The following POU6F2 variants were observed in gnomAD, a reference collection of about 807,000 sequenced individuals.
The protein encoded by POU6F2 is POU domain, class 6, transcription factor 2.
Under a neutral mutation model 71.3 loss-of-function variants are expected in POU6F2, and 31 were observed. The ratio of observed to expected loss-of-function variants is 0.43; its 90% CI spans 0.33 to 0.59. The LOEUF (loss-of-function observed/expected upper bound fraction) is 0.59. Ranked by LOEUF, POU6F2 falls within the 20% of genes least tolerant of loss-of-function variation. The probability of loss-of-function intolerance (pLI) is 0.04; values close to 1 mark genes in which losing one functional copy is unlikely to be tolerated. For synonymous variants in POU6F2, 347 were observed against 355.7 expected (o/e 0.98, Z 0.27); for missense variants, 783 against 856.8 (o/e 0.91, Z 1.07).
At chr7:39,352,148 T>C (rs1420647006) in intron 5 of POU6F2, among the ~76,000 whole-genome samples, 1 of 152,216 alleles carries the variant, frequency 6.6e-6, no homozygotes, top group African/African-American at 2.4e-5. Flanking sequence ...GTAAATATAC[T>C]AGTTTTGTTG....
At chr7:39,353,560 T>C (rs1301694628) in intron 5 of POU6F2, among the ~76,000 whole-genome samples, 2 of 152,246 alleles carry the variant, frequency 1.3e-5, no homozygotes, top group East Asian at 1.9e-4. Flanking sequence ...CATCCACTTA[T>C]GGGGTGATCC....
intron 2 of POU6F2, among the ~76,000 whole-genome samples, chr7:39,106,471 A>G (rs539608230): frequency 1.3e-5 from 2 of 152,260 alleles, no homozygotes; most frequent in East Asian, 1.9e-4. Context: ...TGCTTTTTTC[A>G]TGTTTAGTTT....
intron 2 of POU6F2, among the ~76,000 whole-genome samples, chr7:39,199,016 G>A (rs905258391): frequency 4.6e-5 from 7 of 152,228 alleles, no homozygotes; most frequent in African/African-American, 1.7e-4. Context: ...AGAAAGGTAT[G>A]AATACCAGAG....
In POU6F2 at chr7:39,366,707, A is replaced by G. The variant is rs146509776; in HGVS notation, c.972+26692A>G. Among the ~76,000 whole-genome samples the G allele has an allele frequency of 3.1e-3, 466 of 152,290 alleles. 3 individuals carry two copies. The highest frequency in any genetic ancestry group is 0.01 in the Admixed American group (155 of 15,294). On this transcript the variant is annotated intron_variant, in intron 5 of 9. Coordinates refer to ENST00000518318, the MANE Select transcript of POU6F2 (RefSeq NM_001370959.1). ...CTGCTGGGGCAAAAAGGTGTGGGGC[A>G]TAGTCTGAGAAGATATTGAGGAGTT...
intron 6 of POU6F2, among the ~76,000 whole-genome samples, chr7:39,412,667 G>A (rs1474506434): frequency 1.4e-5 from 2 of 148,046 alleles, no homozygotes; most frequent in African/African-American, 2.5e-5. Context: ...TTTAAACAAT[G>A]AAACATGTTA....
At chr7:39,023,742 G>A (rs946027413) in intron 1 of POU6F2, among the ~76,000 whole-genome samples, 6 of 151,878 alleles carry the variant, frequency 4.0e-5, no homozygotes, top group Admixed American at 6.6e-5. Context: ...ACTGCTTATT[G>A]AACACGTAAC....
intron 4 of POU6F2, among the ~76,000 whole-genome samples, chr7:39,263,456 T>G (rs73695231): frequency 0.062 from 9,466 of 152,326 alleles, 374 homozygotes; most frequent in South Asian, 0.17. Flanking sequence ...TGGTCTAAAC[T>G]TCACTAGACC....
At chr7:39,300,045 T>A (rs183280211) in intron 4 of POU6F2, among the ~76,000 whole-genome samples, 2 of 152,068 alleles carry the variant, frequency 1.3e-5, no homozygotes, top group East Asian at 3.9e-4. Context: ...TCTCTTCCCC[T>A]CCCAAAGGCA....
chr7:39,266,136 G>C (rs1297199656), intron 4 of POU6F2, among the ~76,000 whole-genome samples: 1 of 152,142 alleles, frequency 6.6e-6, no homozygotes, highest in East Asian at 1.9e-4. Flanking sequence ...TCATGGATTG[G>C]AATCCAGCTG....
chr7:39,280,429 A>G (rs912481997), intron 4 of POU6F2, among the ~76,000 whole-genome samples: 3 of 152,204 alleles, frequency 2.0e-5, no homozygotes, highest in Admixed American at 6.5e-5. Context: ...GAATGCTAGA[A>G]TCTTAAACTA....
At chr7:39,051,126 C>A (rs1437023099) in intron 1 of POU6F2, among the ~76,000 whole-genome samples, 2 of 151,648 alleles carry the variant, frequency 1.3e-5, no homozygotes, top group African/African-American at 4.8e-5. Context: ...CTGCAATGGG[C>A]CTTAGACATC....
intron 4 of POU6F2, among the ~76,000 whole-genome samples, chr7:39,218,942 G>T (rs576359903): frequency 6.6e-6 from 1 of 152,266 alleles, no homozygotes; most frequent in Non-Finnish European, 1.5e-5. Context: ...AACCATGACT[G>T]AAGCTAGGGA....
chr7:39,133,305 T>C (rs1320124193), intron 2 of POU6F2, among the ~76,000 whole-genome samples: 2 of 152,212 alleles, frequency 1.3e-5, no homozygotes, highest in Non-Finnish European at 2.9e-5. Flanking sequence ...GAGCGGCAGC[T>C]GCTGCATGTA....
chr7:39,159,094 C>T, intron 2 of POU6F2, among the ~76,000 whole-genome samples: 1 of 152,040 alleles, frequency 6.6e-6, no homozygotes, highest in East Asian at 1.9e-4. Context: ...AGGAGAATTG[C>T]TTGAACCTGG....
At chr7:39,429,210 C>G (rs1223979557) in intron 6 of POU6F2, among the ~76,000 whole-genome samples, 1 of 152,024 alleles carries the variant, frequency 6.6e-6, no homozygotes. Context: ...TTGCATTCAA[C>G]TCCCCATCCC....
intron 4 of POU6F2, among the ~76,000 whole-genome samples, chr7:39,301,117 G>A (rs1355876667): frequency 6.6e-6 from 1 of 152,124 alleles, no homozygotes; most frequent in Non-Finnish European, 1.5e-5. Context: ...CTCAAAAGTG[G>A]TTTTTCAGTG....
At chr7:39,443,160 C>T (rs986094393) in intron 7 of POU6F2, among the ~76,000 whole-genome samples, 15 of 152,282 alleles carry the variant, frequency 9.9e-5, no homozygotes, top group Middle Eastern at 3.4e-3. Flanking sequence ...CAGTCCTCTG[C>T]TAGTCTAACC....
rs535726879 is a variant in POU6F2, at chr7:39,349,908, G to A, written c.972+9893G>A. ...TGCAGGACAGGTTCATGTGCCACTT[G>A]GAGTGGCTGTCTCCTGGATAGGGCA... On this transcript the variant is annotated intron_variant, in intron 5 of 9. Coordinates refer to ENST00000518318, the MANE Select transcript of POU6F2 (RefSeq NM_001370959.1). 5.3e-5 allele frequency among the ~76,000 whole-genome samples: 8 copies of A among 152,304 alleles called. No homozygotes were observed. In the South Asian group the frequency reaches 1.4e-3, roughly 28 times the overall value.
intron 4 of POU6F2, among the ~76,000 whole-genome samples, chr7:39,230,769 A>G (rs1794558461): frequency 6.6e-6 from 1 of 152,228 alleles, no homozygotes. Context: ...GTACTGGTCA[A>G]TATACTCAAT....
Sources: allele counts gnomAD v4.1 joint callset (sites outside exome capture counted in the v4.1 genomes callset), GRCh38; gene constraint gnomAD v4.1.1; transcripts MANE v1.5; gene names NCBI Gene and HGNC (gene_info 2026-07-23, HGNC 2026-07-21).